The following MTO1 variants were observed in gnomAD, a reference collection of about 807,000 sequenced individuals.
The protein encoded by MTO1 is mitochondrial tRNA translation optimization 1, also known as 5-taurinomethyluridine-[tRNA] synthase subunit MTO1, mitochondrial.
A neutral mutation model predicts 71.6 loss-of-function variants in MTO1; 46 were observed. The ratio of observed to expected loss-of-function variants is 0.64; its 90% CI spans 0.51 to 0.82. The LOEUF is 0.82. Among genes scored for constraint, MTO1 ranks in the 40% least tolerant of loss-of-function variants. The probability of loss-of-function intolerance (pLI) is 0.00; values close to 1 mark genes in which losing one functional copy is unlikely to be tolerated. For synonymous variants in MTO1, 297 were observed against 312.1 expected, an observed-to-expected ratio of 0.95 and a Z score of 0.51; for missense variants, 773 against 867.5, an observed-to-expected ratio of 0.89 and a Z score of 1.37.
At chr6:73,496,978 T>C (rs1055007916) in intron 10 of MTO1, among the ~76,000 whole-genome samples, 6 of 150,868 alleles carry the variant, frequency 4.0e-5, no homozygotes, top group Non-Finnish European at 7.4e-5. Context: ...TGCTTGAACC[T>C]GGGACGTGGA....
At position 73,492,052 on chromosome 6, in the gene MTO1, A is replaced by G. The variant is rs528323049; in HGVS notation, c.1638-182A>G. The stretch of plus-strand genomic sequence containing the variant: ...AGCAGGTGGGGATTGCAGTGAGCCA[A>G]GATTGTACCACTGCACTACAGTTGA... On this transcript the variant is annotated intron_variant, in intron 9 of 11. Transcript: ENST00000498286. The G allele has an allele frequency of 1.7e-3, 829 of 475,778 alleles. 17 individuals carry two copies. The highest frequency in any genetic ancestry group is 0.017 in the South Asian group (780 of 44,892). The allele number at this position is 475,778 out of a possible 1,614,324, so 29.5% of individuals were successfully genotyped here.
Position 73,505,992 on chromosome 6 carries a change from T to G in MTO1, c.*5257T>G, listed in dbSNP as rs915870152. ...TGGAATTTTTCTTTTTCTTTTTTTT[T>G]TCTTGAGACGGAGTCTCGCTCTGTC... On this transcript the variant is annotated 3_prime_UTR_variant, in exon 12 of 12. Coordinates refer to ENST00000498286, the MANE Select transcript of MTO1 (RefSeq NM_012123.4). The G allele has an allele frequency of 2.0e-5, 3 of 152,324 alleles. No individual in the cohort carries two copies. The highest frequency in any genetic ancestry group is 7.2e-5 in the African/African-American group (3 of 41,472). 9.4% of individuals were successfully genotyped at this position (152,324 alleles called of 1,614,324 possible). A position where few individuals can be genotyped will look rare whatever the true frequency, so the allele number is the denominator to read the frequency against.
chr6:73,476,857 C>T (rs897808814), intron 4 of MTO1, among the ~76,000 whole-genome samples: 5 of 151,042 alleles, frequency 3.3e-5, no homozygotes, highest in African/African-American at 2.4e-5. Context: ...GGTGCAATCT[C>T]GGCTTACTGC....
chr6:73,498,055 A>T (rs975516956), intron 11 of MTO1, among the ~76,000 whole-genome samples, 159 bp downstream of exon 11: 1 of 152,316 alleles, frequency 6.6e-6, no homozygotes, highest in African/African-American at 2.4e-5. Context: ...CTCTACAAAA[A>T]TACAAAAATT....
chr6:73,462,191 T>A lies in MTO1; in HGVS notation c.217+120T>A. 11 of 1,141,580 alleles carry A rather than the reference T, an allele frequency of 9.6e-6. No homozygotes were observed. The South Asian group carries it at 1.5e-4, about 16-fold the overall frequency. The allele number at this position is 1,141,580 out of a possible 1,614,324, so 70.7% of individuals were successfully genotyped here. ...CAAAGCTAGTGAGAATCCTACCTTCTGTGGTTTTAGCCTCGATCAGTGTCT... is the reference window on the plus strand; with the variant it reads ...CAAAGCTAGTGAGAATCCTACCTTCAGTGGTTTTAGCCTCGATCAGTGTCT... On this transcript the variant is annotated intron_variant, in intron 1 of 11. Transcript: ENST00000498286.
chr6:73,480,969 GTTTTTTTTTTTTTT>G, intron 7 of MTO1, 164 bp downstream of exon 7: 1 of 229,466 alleles, frequency 4.4e-6, no homozygotes, highest in South Asian at 3.2e-5. Context: ...AGATAATAGG[GTTTTTTTTTTTTTT>G]TTTTTTTTTT....
At chr6:73,468,482 A>G (rs1025802612) in intron 3 of MTO1, among the ~76,000 whole-genome samples, 2 of 152,130 alleles carry the variant, frequency 1.3e-5, no homozygotes, top group East Asian at 1.9e-4. Context: ...TCCTTCTGAT[A>G]TAATTATACC....
intron 9 of MTO1, among the ~76,000 whole-genome samples, chr6:73,488,046 A>C (rs978837385): frequency 6.6e-6 from 1 of 152,156 alleles, no homozygotes; most frequent in African/African-American, 2.4e-5. Context: ...GTGATATCTC[A>C]TTGTGGCTTT....
At chr6:73,462,209 C>T in intron 1 of MTO1, 138 bp downstream of exon 1, 1 of 918,548 alleles carries the variant, frequency 1.1e-6, no homozygotes, top group South Asian at 1.6e-5. Flanking sequence ...TAGCCTCGAT[C>T]AGTGTCTCGC....
rs765815328 is a variant in MTO1, at chr6:73,480,068, A to C, written c.1071A>C (p.Leu357Phe). Residue 357 changes from leucine to phenylalanine, a missense_variant, in exon 6 of 12, where the codon TTA becomes TTC. Leu to Phe is a conservative substitution (Grantham distance 22). Coordinates refer to ENST00000498286, the MANE Select transcript of MTO1 (RefSeq NM_012123.4). Reference sequence around the variant, plus strand: ...TATCTATGACGCTACCAGCTGAGTTACAAGAGAAAATGATCACATGCATCA... The same window carrying C: ...TATCTATGACGCTACCAGCTGAGTTCCAAGAGAAAATGATCACATGCATCA... Reference protein sequence around the residue: ...QGLSMTLPAELQEKMITCIRG... With the variant: ...QGLSMTLPAEFQEKMITCIRG... 1 of 1,614,080 alleles carries C rather than the reference A, an allele frequency of 6.2e-7. No homozygotes were observed. Among genetic ancestry groups the C allele is most frequent in the South Asian group, 1.1e-5 (1 of 91,092 alleles).
chr6:73,473,511 T>A lies in MTO1; in HGVS notation c.682T>A (p.Leu228Ile). Reference sequence around the variant, plus strand: ...AGGATTGGCTCAGACACTGGAGAAGTTAGGGTTTGTGGTGGGAAGGTTGAA... The same window carrying A: ...AGGATTGGCTCAGACACTGGAGAAGATAGGGTTTGTGGTGGGAAGGTTGAA... ...SIGLAQTLEK[L>I]GFVVGRLKTG... Residue 228 changes from leucine (L) to isoleucine (I), a missense_variant, in exon 4 of 12, where the codon TTA (leucine) becomes ATA (isoleucine). Physicochemically the swap from Leu to Ile is conservative, Grantham distance 5. Transcript: ENST00000498286. 6.2e-7 allele frequency: 1 copy of A among 1,613,836 alleles called. No homozygotes were observed. Among genetic ancestry groups the A allele is most frequent in the Non-Finnish European group, 8.5e-7 (1 of 1,179,988 alleles).
In MTO1 at chr6:73,480,138, C is replaced by T. The variant is rs778706192; in HGVS notation, c.1129+12C>T. ...AGTGATTCAGCCAGGTAAAGAAGAT[C>T]ACAAGTGCCCTTCAGTATAAGGTCA... On this transcript the variant is annotated intron_variant, in intron 6 of 11. Coordinates refer to ENST00000498286, the MANE Select transcript of MTO1 (RefSeq NM_012123.4). 3.7e-6 allele frequency: 6 copies of T among 1,612,040 alleles called. No individual in the cohort carries two copies. Among genetic ancestry groups the T allele is most frequent in the Admixed American group, 1.7e-5 (1 of 59,902 alleles).
intron 4 of MTO1, among the ~76,000 whole-genome samples, chr6:73,476,238 G>A (rs1294964960): frequency 6.8e-6 from 1 of 146,066 alleles, no homozygotes; most frequent in Non-Finnish European, 1.5e-5. Context: ...GCCAGGCATG[G>A]TGGCTCATGC....
rs1359701741 is a variant in MTO1 at position 73,461,796 on chromosome 6, TAA to T, written c.-58_-57del. ...GCCCTGCAGATTGTCTCTTGTTGCG[TAA>T]GTTTTTTTGACCGTCACTCGTGTCA... On this transcript the variant is annotated 5_prime_UTR_variant, in exon 1 of 12. It removes the in-frame stop codon of an upstream open reading frame in the 5' UTR. Coordinates refer to ENST00000498286, the MANE Select transcript of MTO1 (RefSeq NM_012123.4). 1 of 1,558,854 alleles carries T rather than the reference TAA, an allele frequency of 6.4e-7. No individual in the cohort carries two copies. The highest frequency in any genetic ancestry group is 1.4e-5 in the African/African-American group (1 of 73,768).
At chr6:73,485,973 T>C (rs902734660) in intron 9 of MTO1, among the ~76,000 whole-genome samples, 1 of 152,120 alleles carries the variant, frequency 6.6e-6, no homozygotes, top group Non-Finnish European at 1.5e-5. Context: ...TCTGTCAGGA[T>C]TACAGAGAAA....
At chr6:73,484,712 AT>A (rs902850127) in intron 9 of MTO1, among the ~76,000 whole-genome samples, 57 of 152,254 alleles carry the variant, frequency 3.7e-4, no homozygotes, top group African/African-American at 1.3e-3. Flanking sequence ...CTGTTTATTC[AT>A]TTGTTTAAAT....
At chr6:73,468,200 G>A (rs1204576251) in intron 3 of MTO1, among the ~76,000 whole-genome samples, 1 of 147,138 alleles carries the variant, frequency 6.8e-6, no homozygotes, top group Non-Finnish European at 1.5e-5. Flanking sequence ...TCACTGCAAC[G>A]TTCCCCTCCC....
chr6:73,483,570 A>T (rs1218043623), intron 9 of MTO1, among the ~76,000 whole-genome samples: 1 of 152,070 alleles, frequency 6.6e-6, no homozygotes, highest in Admixed American at 6.6e-5. Context: ...TCTTGGAGCA[A>T]TGTGGAATGA....
Position 73,485,672 on chromosome 6 carries a change from A to C in MTO1, c.1637+3052A>C, listed in dbSNP as rs532271067. The stretch of plus-strand genomic sequence containing the variant: ...TAGCCAGGATGGTCTCAATCTCCTT[A>C]CCTCAAGATCTGCCTGCCTTGGCCT... On this transcript the variant is annotated intron_variant, in intron 9 of 11. Transcript: ENST00000498286. Among the ~76,000 whole-genome samples, 6 of 152,236 alleles carry C rather than the reference A, an allele frequency of 3.9e-5. No homozygotes were observed. In the East Asian group the frequency reaches 1.2e-3, roughly 29 times the overall value.
Sources: allele counts gnomAD v4.1 joint callset (sites outside exome capture counted in the v4.1 genomes callset), GRCh38; gene constraint gnomAD v4.1.1; transcripts MANE v1.5; gene names NCBI Gene and HGNC (gene_info 2026-07-23, HGNC 2026-07-21).